The following DSC3 variants were observed in gnomAD, a reference collection of about 807,000 sequenced individuals.
The protein encoded by DSC3 is desmocollin 3.
A neutral mutation model predicts 89.5 loss-of-function variants in DSC3; 97 were observed. The observed-to-expected ratio is 1.08, with a 90% confidence interval of 0.92 to 1.28. DSC3 has a LOEUF of 1.28. Among genes scored for constraint, DSC3 ranks in the 50% most tolerant of loss-of-function variants. DSC3 has a pLI of 0.00. For missense variants in DSC3, 1,199 were observed against 1,085.3 expected (o/e 1.10, Z -1.47); for synonymous variants, 436 against 384.1 (o/e 1.14, Z -1.58).
At position 30,990,553 on chromosome 18, in the gene DSC3, T is replaced by G. The variant is rs1984199271; in HGVS notation, c.*3622A>C. The G allele has an allele frequency of 1.3e-5, 2 of 152,224 alleles. No homozygotes were observed. The highest frequency in any genetic ancestry group is 4.8e-5 in the African/African-American group (2 of 41,452). The allele number at this position is 152,224 out of a possible 1,614,324, so 9.4% of individuals were successfully genotyped here. On this transcript the variant is annotated 3_prime_UTR_variant, in exon 16 of 16. Transcript: ENST00000360428. ...TTTTGAAATGATCAGTCTTAACGTT[T>G]GTAGGGGAGCACACTCCTGCATGGG...
At position 31,014,841 on chromosome 18, in the gene DSC3, T is replaced by A. The variant is rs1985182124; in HGVS notation, c.1263+3230A>T. 2.0e-5 allele frequency among the ~76,000 whole-genome samples: 3 copies of A among 152,142 alleles called. No homozygotes were observed. In the South Asian group the frequency reaches 6.2e-4, roughly 32 times the overall value. On this transcript the variant is annotated intron_variant, in intron 9 of 15. Transcript: ENST00000360428. ...TAATTTGGGAACAAAATAGACCAGG[T>A]TTGTGTTCCGGGGTGGATCGCTAAT...
chr18:31,038,037 A>G (rs929789379), intron 1 of DSC3, among the ~76,000 whole-genome samples: 18 of 152,198 alleles, frequency 1.2e-4, no homozygotes, highest in Non-Finnish European at 2.1e-4. Context: ...CTATGTTAAA[A>G]TACAATAATA....
intron 4 of DSC3, among the ~76,000 whole-genome samples, chr18:31,026,709 C>A (rs565844569): frequency 1.3e-5 from 2 of 152,210 alleles, no homozygotes; most frequent in South Asian, 4.1e-4. Context: ...CTATTCTGCC[C>A]ATCTTCCTTA....
chr18:31,042,649 A>T lies in DSC3; in HGVS notation c.12T>A (p.Ala4=), dbSNP rs978806539. Residue 4 remains alanine, a synonymous_variant, in exon 1 of 16, where the codon GCT becomes GCA. Transcript: ENST00000360428. ...CTCCGCGCACGGAGCGCCGGGGCCCAGCGGCGGCCATCGGGATGCCGGGCA... is the reference window on the plus strand; with the variant it reads ...CTCCGCGCACGGAGCGCCGGGGCCCTGCGGCGGCCATCGGGATGCCGGGCA... MAA[A]GPRRSVRGAV... 28 of 1,549,528 alleles carry T rather than the reference A, an allele frequency of 1.8e-5. No individual in the cohort carries two copies. The highest frequency in any genetic ancestry group is 2.4e-5 in the Non-Finnish European group (28 of 1,146,384).
At chr18:31,008,232 A>G (rs1284918538) in intron 10 of DSC3, 37 bp downstream of exon 10, 4 of 1,612,380 alleles carry the variant, frequency 2.5e-6, no homozygotes, top group Non-Finnish European at 3.4e-6. Flanking sequence ...ATGATTACAA[A>G]TACATTATTA....
At chr18:31,041,457 T>A (rs1586958) in intron 1 of DSC3, among the ~76,000 whole-genome samples, 21,925 of 152,106 alleles carry the variant, frequency 0.14, 1,657 homozygotes, top group Admixed American at 0.19. Flanking sequence ...TCGCTGACCT[T>A]AAGGGAGGAC....
intron 12 of DSC3, among the ~76,000 whole-genome samples, chr18:31,005,736 C>T (rs2144688028): frequency 6.6e-6 from 1 of 152,248 alleles, no homozygotes; most frequent in Non-Finnish European, 1.5e-5. Context: ...TTCTAGGAAA[C>T]TCATGTATTG....
chr18:30,994,915 C>T (rs955940088), intron 15 of DSC3, among the ~76,000 whole-genome samples: 2 of 152,160 alleles, frequency 1.3e-5, no homozygotes, highest in African/African-American at 4.8e-5. Flanking sequence ...TACATGTTAA[C>T]TTGAATCACT....
At chr18:30,995,393 G>T (rs1306574246) in intron 15 of DSC3, among the ~76,000 whole-genome samples, 1 of 152,168 alleles carries the variant, frequency 6.6e-6, no homozygotes, top group Non-Finnish European at 1.5e-5. Flanking sequence ...CCTCCAAAAT[G>T]CTATGGATAC....
At chr18:30,997,457 C>A (rs1283856579) in intron 14 of DSC3, among the ~76,000 whole-genome samples, 2 of 152,026 alleles carry the variant, frequency 1.3e-5, no homozygotes, top group Non-Finnish European at 2.9e-5. Context: ...TGATAATAAA[C>A]CCATTCTCAT....
At chr18:31,018,881 C>A (rs995885935) in intron 7 of DSC3, 81 bp from the exon 8 acceptor site, 3 of 1,219,662 alleles carry the variant, frequency 2.5e-6, no homozygotes, top group East Asian at 5.0e-5. Flanking sequence ...CACACTCACT[C>A]ACTCACATAC....
intron 9 of DSC3, among the ~76,000 whole-genome samples, chr18:31,015,751 G>A (rs1294809749): frequency 6.6e-6 from 1 of 152,152 alleles, no homozygotes; most frequent in African/African-American, 2.4e-5. Flanking sequence ...TCTGACAGAA[G>A]CTACTGTAGT....
chr18:30,997,143 TATTC>T (rs554580348), intron 14 of DSC3, 95 bp from the exon 15 acceptor site: 117 of 1,409,490 alleles, frequency 8.3e-5, no homozygotes, highest in Non-Finnish European at 1.1e-4. Flanking sequence ...TTCAACCTTT[TATTC>T]ATTCATTCAT....
At chr18:31,001,341 C>CA (rs201299977) in intron 14 of DSC3, among the ~76,000 whole-genome samples, 19 of 149,884 alleles carry the variant, frequency 1.3e-4, no homozygotes, top group Non-Finnish European at 2.1e-4. Flanking sequence ...AGAGTGCAGG[C>CA]AAAAAAAACT....
In DSC3 at chr18:30,993,754, T is replaced by A. The variant is rs1984353930; in HGVS notation, c.*421A>T. 5 of 170,890 alleles carry A rather than the reference T, an allele frequency of 2.9e-5. No individual in the cohort carries two copies. The highest frequency in any genetic ancestry group is 6.3e-5 in the Non-Finnish European group (5 of 79,472). 10.6% of individuals were successfully genotyped at this position (170,890 alleles called of 1,614,324 possible). A position where few individuals can be genotyped will look rare whatever the true frequency, so the allele number is the denominator to read the frequency against. On this transcript the variant is annotated 3_prime_UTR_variant, in exon 16 of 16. Coordinates refer to ENST00000360428, the MANE Select transcript of DSC3 (RefSeq NM_001941.5). ...CATTTTTAATTTAATTCAGTCTTCA[T>A]TGTTTCTTTTCCAAAACTTTCTTCA...
intron 12 of DSC3, 29 bp from the exon 13 acceptor site, chr18:31,004,395 T>C: frequency 6.3e-7 from 1 of 1,582,610 alleles, no homozygotes; most frequent in Non-Finnish European, 8.7e-7. Context: ...AGTTTATTTT[T>C]TAATGATCAT....
intron 15 of DSC3, among the ~76,000 whole-genome samples, chr18:30,996,390 A>T (rs899595746): frequency 2.6e-5 from 4 of 152,160 alleles, no homozygotes; most frequent in Non-Finnish European, 4.4e-5. Context: ...CATGCTATTT[A>T]ATCTTTATCC....
intron 1 of DSC3, among the ~76,000 whole-genome samples, chr18:31,035,340 C>A (rs1327092882): frequency 1.3e-5 from 2 of 151,756 alleles, no homozygotes; most frequent in African/African-American, 4.8e-5. Flanking sequence ...ACAAATAGGG[C>A]CAACATGTAA....
chr18:31,042,568 C>T lies in DSC3; in HGVS notation c.69+24G>A, dbSNP rs1445981415. On this transcript the variant is annotated intron_variant, in intron 1 of 15. Coordinates refer to ENST00000360428, the MANE Select transcript of DSC3 (RefSeq NM_001941.5). ...GATCCACCCCCGTCCCCACCCCAGCCCTATCCGGCGAGATCTGGCTTACCA... is the reference window on the plus strand; with the variant it reads ...GATCCACCCCCGTCCCCACCCCAGCTCTATCCGGCGAGATCTGGCTTACCA... 3.2e-6 allele frequency: 5 copies of T among 1,549,916 alleles called. No individual in the cohort carries two copies. The East Asian group carries it at 7.3e-5, about 23-fold the overall frequency.
Sources: gnomAD v4.1 joint callset for allele counts (sites outside exome capture counted in the v4.1 genomes callset) on GRCh38, gnomAD v4.1.1 for gene constraint, MANE v1.5 for transcripts, NCBI Gene and HGNC (gene_info 2026-07-23, HGNC 2026-07-21) for gene names.